Variants in CCDC32 observed in about 807,000 individuals in gnomAD.
CCDC32 encodes the protein coiled-coil domain containing 32.
A neutral mutation model predicts 20.1 loss-of-function variants in CCDC32; 9 were observed. The ratio of observed to expected loss-of-function variants is 0.45; its 90% CI spans 0.27 to 0.78. CCDC32 has a LOEUF of 0.78. Among genes scored for constraint, CCDC32 ranks in the 30% least tolerant of loss-of-function variants. The probability of loss-of-function intolerance (pLI) is 0.16; values close to 1 mark genes in which losing one functional copy is unlikely to be tolerated. For synonymous variants in CCDC32, 63 were observed against 79.0 expected, an observed-to-expected ratio of 0.80 and a Z score of 1.07; for missense variants, 204 against 215.5, an observed-to-expected ratio of 0.95 and a Z score of 0.33.
intron 2 of CCDC32, among the ~76,000 whole-genome samples, chr15:40,558,567 C>T (rs565188557): frequency 6.6e-6 from 1 of 151,986 alleles, no homozygotes; most frequent in Admixed American, 6.6e-5. Context: ...AAAGGTCTTC[C>T]TCTCTCTAAG....
Position 40,553,951 on chromosome 15 carries a change from TGTGTGTGTGTGTGTGTA to T in CCDC32, c.*3_*19del. 8.2e-7 allele frequency: 1 copy of T among 1,226,104 alleles called. No homozygotes were observed. The highest frequency in any genetic ancestry group is 1.1e-6 in the Non-Finnish European group (1 of 897,068). 76.0% of individuals were successfully genotyped at this position (1,226,104 alleles called of 1,614,324 possible). ...GTGTGTGTGTGTGTGTGTGTGTGTG[TGTGTGTGTGTGTGTGTA>T]ATTTACTGTTCTGCTGCTGCTGGCT... is the stretch of plus-strand genomic sequence containing the variant. On this transcript the variant is annotated 3_prime_UTR_variant, in exon 4 of 4. Transcript: ENST00000416810.
intron 2 of CCDC32, among the ~76,000 whole-genome samples, chr15:40,561,279 T>G (rs1309612807): frequency 6.6e-6 from 1 of 151,948 alleles, no homozygotes; most frequent in Non-Finnish European, 1.5e-5. Context: ...TCGAGACCAC[T>G]CTGACCAACA....
intron 3 of CCDC32, among the ~76,000 whole-genome samples, chr15:40,547,998 T>C (rs1033069568): frequency 4.6e-5 from 7 of 152,242 alleles, no homozygotes; most frequent in Non-Finnish European, 7.3e-5. Flanking sequence ...TTTTATTGTC[T>C]TTTTCTTACC....
chr15:40,539,840 C>CACACACACA (rs1555413863), intron 3 of CCDC32, among the ~76,000 whole-genome samples: 1 of 134,542 alleles, frequency 7.4e-6, no homozygotes, highest in Non-Finnish European at 1.6e-5. Context: ...CAAACTGTTG[C>CACACACACA]CACACACACA....
intron 3 of CCDC32, among the ~76,000 whole-genome samples, chr15:40,555,986 T>C (rs1006614558): frequency 1.3e-5 from 2 of 152,234 alleles, no homozygotes; most frequent in South Asian, 4.1e-4. Flanking sequence ...GTGCTAGGCA[T>C]TGTTCTATAC....
At chr15:40,531,594 A>G (rs1211633484), downstream of CCDC32, 1 of 152,028 alleles carries the variant, frequency 6.6e-6, no homozygotes, top group Non-Finnish European at 1.5e-5. Context: ...TTGGGTTTAA[A>G]TTTTGCATAG....
At chr15:40,551,453 A>C (rs943129069), downstream of CCDC32, among the ~76,000 whole-genome samples, 1 of 152,104 alleles carries the variant, frequency 6.6e-6, no homozygotes, top group Admixed American at 6.5e-5. Context: ...TCTGAACTCC[A>C]GGTGGAGATG....
downstream of CCDC32, among the ~76,000 whole-genome samples, chr15:40,549,093 CTCAA>C: frequency 6.6e-6 from 1 of 152,186 alleles, no homozygotes; most frequent in Non-Finnish European, 1.5e-5. Context: ...CTTGTCCACC[CTCAA>C]TCACTTTAAT....
intron 3 of CCDC32, among the ~76,000 whole-genome samples, chr15:40,545,165 A>T (rs920165383): frequency 2.6e-5 from 4 of 152,308 alleles, no homozygotes; most frequent in Middle Eastern, 3.4e-3. Context: ...GTCTGCCTTG[A>T]TCAGGCACCA....
chr15:40,559,165 T>G (rs1027598049), intron 2 of CCDC32, among the ~76,000 whole-genome samples: 5 of 152,100 alleles, frequency 3.3e-5, no homozygotes, highest in Admixed American at 2.0e-4. Flanking sequence ...CAGCTCACTG[T>G]AACCTTGAAC....
At chr15:40,533,891 C>A (rs2141600165), downstream of CCDC32, among the ~76,000 whole-genome samples, 1 of 151,842 alleles carries the variant, frequency 6.6e-6, no homozygotes, top group East Asian at 1.9e-4. Context: ...ATGAAGAAAT[C>A]AAATTACTTT....
chr15:40,552,179 A>G (rs538044435), downstream of CCDC32, among the ~76,000 whole-genome samples: 3 of 151,820 alleles, frequency 2.0e-5, no homozygotes, highest in East Asian at 1.9e-4. Context: ...AAAAAAAAAT[A>G]AAGAAGGAAA....
chr15:40,531,029 T>C (rs994788701), downstream of CCDC32, among the ~76,000 whole-genome samples: 1 of 151,656 alleles, frequency 6.6e-6, no homozygotes, highest in Non-Finnish European at 1.5e-5. Flanking sequence ...TTTAGAGCAA[T>C]GCAAAGTGGA....
At chr15:40,558,434 T>G (rs1445901354) in intron 2 of CCDC32, among the ~76,000 whole-genome samples, 1 of 152,206 alleles carries the variant, frequency 6.6e-6, no homozygotes, top group Non-Finnish European at 1.5e-5. Flanking sequence ...TAGCATACAT[T>G]TAAGTTTTTA....
At chr15:40,543,416 T>G (rs910480488) in intron 3 of CCDC32, among the ~76,000 whole-genome samples, 15 of 152,148 alleles carry the variant, frequency 9.9e-5, no homozygotes, top group African/African-American at 3.6e-4. Context: ...TCTGAGAAAC[T>G]AGATTCGTCA....
At position 40,553,679 on chromosome 15, in the gene CCDC32, A is replaced by G; in HGVS notation, c.*292T>C. The G allele has an allele frequency of 8.5e-7, 1 of 1,180,994 alleles. No individual in the cohort carries two copies. The highest frequency in any genetic ancestry group is 1.5e-5 in the African/African-American group (1 of 64,814). The allele number at this position is 1,180,994 out of a possible 1,614,324, so 73.2% of individuals were successfully genotyped here. A position where few individuals can be genotyped will look rare whatever the true frequency, so the allele number is the denominator to read the frequency against. On this transcript the variant is annotated 3_prime_UTR_variant, in exon 4 of 4. Coordinates refer to ENST00000416810, the MANE Select transcript of CCDC32 (RefSeq NM_001080792.4). ...CTTCTAACCTGCAGAGACAGAGCTCAGCCAAGCTGTGAGACACAGAGGAAA... is the reference window on the plus strand; with the variant it reads ...CTTCTAACCTGCAGAGACAGAGCTCGGCCAAGCTGTGAGACACAGAGGAAA...
downstream of CCDC32, among the ~76,000 whole-genome samples, chr15:40,549,133 CCTT>C (rs1428922104): frequency 1.3e-5 from 2 of 152,188 alleles, no homozygotes; most frequent in African/African-American, 4.8e-5. Flanking sequence ...GCAGCCATAA[CCTT>C]CTAGATGTAA....
downstream of CCDC32, among the ~76,000 whole-genome samples, chr15:40,524,438 T>G (rs950245105): frequency 6.6e-6 from 1 of 152,112 alleles, no homozygotes; most frequent in South Asian, 2.1e-4. Flanking sequence ...ATTACAGGCC[T>G]GAGCCACCGC....
chr15:40,542,682 T>C (rs1987795), intron 3 of CCDC32, among the ~76,000 whole-genome samples: 134,011 of 151,858 alleles, frequency 0.88, 59,445 homozygotes, highest in Non-Finnish European at 0.93. Context: ...TCCTGGCTAA[T>C]ACGGTGAAAC....
Sources: gnomAD v4.1 joint callset for allele counts (sites outside exome capture counted in the v4.1 genomes callset) on GRCh38, gnomAD v4.1.1 for gene constraint, MANE v1.5 for transcripts, NCBI Gene and HGNC (gene_info 2026-07-23, HGNC 2026-07-21) for gene names.